CREBBP: variants seen among roughly 807,000 people sequenced by gnomAD.
CREBBP encodes CREB-binding protein.
A neutral mutation model predicts 265.0 loss-of-function variants in CREBBP; 19 were observed. The ratio of observed to expected loss-of-function variants is 0.07; its 90% CI spans 0.05 to 0.11. CREBBP has a LOEUF of 0.11. CREBBP is among the 10% of genes least tolerant of loss of function. CREBBP has a pLI of 1.00. For missense variants in CREBBP, 2,525 were observed against 3,219.0 expected (o/e 0.78, Z 5.22); for synonymous variants, 1,457 against 1,223.7 (o/e 1.19, Z -3.98).
intron 1 of CREBBP, among the ~76,000 whole-genome samples, chr16:3,855,324 G>A (rs1186862074): frequency 6.6e-6 from 1 of 152,206 alleles, no homozygotes; most frequent in Non-Finnish European, 1.5e-5. Flanking sequence ...ATGGAGTGCA[G>A]TGGCACGATC....
At chr16:3,827,661 G>A (rs2054264336) in intron 2 of CREBBP, among the ~76,000 whole-genome samples, 1 of 152,158 alleles carries the variant, frequency 6.6e-6, no homozygotes, top group South Asian at 2.1e-4. Context: ...AAAGTGCTGG[G>A]ATTACAGGCA....
intron 9 of CREBBP, 73 bp from the exon 10 acceptor site, chr16:3,778,255 TCTAA>T: frequency 7.8e-7 from 1 of 1,274,014 alleles, no homozygotes; most frequent in Non-Finnish European, 1.1e-6. Context: ...TGTTGTAGGT[TCTAA>T]CTAATGAACT....
intron 3 of CREBBP, among the ~76,000 whole-genome samples, chr16:3,808,783 T>C (rs960936487): frequency 1.3e-5 from 2 of 152,182 alleles, no homozygotes; most frequent in African/African-American, 4.8e-5. Flanking sequence ...AAAAAGCAAA[T>C]GCTTTCACTA....
In CREBBP at chr16:3,778,765, T is replaced by A; in HGVS notation, c.1876A>T (p.Met626Leu). 6.2e-7 allele frequency: 1 copy of A among 1,614,082 alleles called. No individual in the cohort carries two copies. The highest frequency in any genetic ancestry group is 1.1e-5 in the South Asian group (1 of 91,076). Reference sequence around the variant, plus strand: ...TTAGCATAGGCTACCAGGTTTTCCATGCGGCGATCCTTTAGAGCTGCGGGA... The same window carrying A: ...TTAGCATAGGCTACCAGGTTTTCCAAGCGGCGATCCTTTAGAGCTGCGGGA... ...PDPAALKDRR[M>L]ENLVAYAKKV... is the part of the protein sequence containing the mutation. The change falls in exon 9 of 31, where the codon ATG becomes TTG. Residue 626 changes from methionine (M) to leucine (L), a missense_variant. Around this residue, in one of 19 missense-constraint regions of CREBBP, gnomAD observed 29 missense variants for 99.9 expected, o/e 0.29. Transcript: ENST00000262367.
chr16:3,732,599 T>A (rs567302298), intron 28 of CREBBP, among the ~76,000 whole-genome samples: 1 of 152,232 alleles, frequency 6.6e-6, no homozygotes, highest in South Asian at 2.1e-4. Flanking sequence ...TTTGCTCTTG[T>A]TGCCAGGCTG....
chr16:3,849,434 T>TGTGTG (rs2054755971), intron 2 of CREBBP, among the ~76,000 whole-genome samples: 25 of 10,084 alleles, frequency 2.5e-3, no homozygotes, highest in East Asian at 0.016. Flanking sequence ...TGTGTGTGTG[T>TGTGTG]GTGTGTGTGT....
chr16:3,822,913 G>A (rs758524281), intron 2 of CREBBP, among the ~76,000 whole-genome samples: 1 of 152,174 alleles, frequency 6.6e-6, no homozygotes, highest in Non-Finnish European at 1.5e-5. Flanking sequence ...GCCTTGTTTC[G>A]AGAGAATACA....
At chr16:3,793,753 G>A (rs1318554763) in intron 3 of CREBBP, 127 bp from the exon 4 acceptor site, 1 of 1,143,090 alleles carries the variant, frequency 8.7e-7, no homozygotes, top group East Asian at 2.6e-5. Context: ...GGCTGGTGTA[G>A]TTCTCTAACC....
At position 3,731,854 on chromosome 16, in the gene CREBBP, G is replaced by A. The variant is rs762565460; in HGVS notation, c.4812C>T (p.Asn1604=). ...NKNKSSISRA[N]KKKPSMPNVS... ...CGTTGGGCATGCTGGGCTTCTTCTT[G>A]TTGGCGCGGCTGATGCTGCTTTTGT... Residue 1604 remains asparagine (N), a synonymous_variant, in exon 29 of 31, where the codon AAC becomes AAT. Coordinates refer to ENST00000262367, the MANE Select transcript of CREBBP (RefSeq NM_004380.3). The surrounding 1 kb of genome is among the most constrained non-coding windows in gnomAD (Gnocchi z 7.7). 22 of 1,614,270 alleles carry A rather than the reference G, an allele frequency of 1.4e-5. No individual in the cohort carries two copies. The South Asian group carries it at 2.0e-4, about 14-fold the overall frequency.
intron 11 of CREBBP, 130 bp from the exon 12 acceptor site, chr16:3,774,823 C>T (rs529649993): frequency 8.4e-7 from 1 of 1,190,462 alleles, no homozygotes; most frequent in East Asian, 2.5e-5. Context: ...AAGAAATCAC[C>T]CAATTAATCA....
chr16:3,728,098 G>C lies in CREBBP; in HGVS notation c.6949C>G (p.Gln2317Glu). 6.2e-7 allele frequency: 1 copy of C among 1,614,158 alleles called. No individual in the cohort carries two copies. The highest frequency in any genetic ancestry group is 1.1e-5 in the South Asian group (1 of 91,090). The change falls in exon 31 of 31, where the codon CAG becomes GAG. Residue 2317 changes from glutamine (Q) to glutamate (E), a missense_variant. Around this residue, in one of 19 missense-constraint regions of CREBBP, gnomAD observed 473 missense variants for 459.3 expected, o/e 1.03. Transcript: ENST00000262367. The surrounding 1 kb of genome is among the most constrained non-coding windows in gnomAD (Gnocchi z 8.7). ...SPGQPNPMSP[Q>E]QHMLSGQPQA... The stretch of plus-strand genomic sequence containing the variant: ...GGCTGTCCTGAGAGCATGTGTTGCT[G>C]GGGGCTCATGGGGTTCGGCTGGCCT...
intron 13 of CREBBP, among the ~76,000 whole-genome samples, 161 bp from the exon 14 acceptor site, chr16:3,771,147 C>A (rs2052998890): frequency 1.3e-5 from 2 of 152,238 alleles, no homozygotes; most frequent in South Asian, 4.2e-4. Context: ...CGGCTCACTG[C>A]AGCCTCCGCC....
intron 1 of CREBBP, among the ~76,000 whole-genome samples, chr16:3,866,574 C>T (rs9921310): frequency 6.6e-6 from 1 of 151,954 alleles, no homozygotes; most frequent in Non-Finnish European, 1.5e-5. Flanking sequence ...CATATATACC[C>T]CCAAAATGTT....
chr16:3,766,394 C>T (rs1051952536), intron 16 of CREBBP, among the ~76,000 whole-genome samples: 60 of 152,180 alleles, frequency 3.9e-4, no homozygotes, highest in African/African-American at 1.4e-3. Flanking sequence ...ACAGTAAATG[C>T]AGAGGCAGAT....
At chr16:3,729,901 G>T (rs74423795) in intron 30 of CREBBP, 27 bp from the exon 31 acceptor site, 1 of 1,598,320 alleles carries the variant, frequency 6.3e-7, no homozygotes, top group Non-Finnish European at 8.5e-7. Context: ...GGGACAGGCC[G>T]GTGTCAGCAT....
At chr16:3,732,829 T>C (rs955805796) in intron 28 of CREBBP, among the ~76,000 whole-genome samples, 1 of 152,012 alleles carries the variant, frequency 6.6e-6, no homozygotes, top group Non-Finnish European at 1.5e-5. Flanking sequence ...ACCTCCCTAG[T>C]AGCTGAGATT....
chr16:3,815,039 T>C (rs576528937), intron 2 of CREBBP, among the ~76,000 whole-genome samples: 40 of 152,218 alleles, frequency 2.6e-4, no homozygotes, highest in Non-Finnish European at 5.0e-4. Flanking sequence ...CCTGCAGTTA[T>C]GAATAAAAAC....
Position 3,781,262 on chromosome 16 carries a change from G to T in CREBBP, c.1618C>A (p.Gln540Lys), listed in dbSNP as rs398124138. ...NIPAGGITTD[Q>K]QPPNLISESA... ...TCTGAAATCAAGTTTGGGGGCTGCT[G>T]ATCTGTTGTTATTCCTCCTGCTGGA... Residue 540 changes from glutamine (Q) to lysine (K), a missense_variant, in exon 7 of 31, where the codon CAG (glutamine) becomes AAG (lysine). Physicochemically the swap from Gln to Lys is moderately conservative, Grantham distance 53. Transcript: ENST00000262367. 12 of 1,613,870 alleles carry T rather than the reference G, an allele frequency of 7.4e-6. No individual in the cohort carries two copies. Among genetic ancestry groups the T allele is most frequent in the Non-Finnish European group, 1.0e-5 (12 of 1,179,926 alleles).
chr16:3,849,084 CA>C (rs980602660), intron 2 of CREBBP, among the ~76,000 whole-genome samples: 2 of 152,162 alleles, frequency 1.3e-5, no homozygotes, highest in African/African-American at 4.8e-5. Context: ...AAGAACAGCC[CA>C]AACTGATTTT....
Sources: allele counts gnomAD v4.1 joint callset (sites outside exome capture counted in the v4.1 genomes callset), GRCh38; gene constraint gnomAD v4.1.1; regional missense constraint gnomAD v4.1.1; non-coding constraint Gnocchi (gnomAD v3.1); transcripts MANE v1.5; gene names NCBI Gene and HGNC (gene_info 2026-07-23, HGNC 2026-07-21).